UXS1: variants seen among roughly 807,000 people sequenced by gnomAD.
UXS1 encodes UDP-glucuronate decarboxylase 1.
UXS1 carries 33 observed loss-of-function variants against 62.6 expected under a neutral mutation model. The observed-to-expected ratio is 0.53, with a 90% CI of 0.40 to 0.70. The LOEUF is 0.70. Among genes scored for constraint, UXS1 ranks in the 30% least tolerant of loss-of-function variants. The pLI, the probability that UXS1 is intolerant of heterozygous loss-of-function variation, is 0.00. For synonymous variants in UXS1, 213 were observed against 206.8 expected (o/e 1.03, Z -0.26); for missense variants, 434 against 556.3 (o/e 0.78, Z 2.21).
Position 106,158,043 on chromosome 2 carries a change from G to C in UXS1, c.291+15C>G. ...TTCTTAATATTACAAATACTATTCA[G>C]GTGTGCAAACTTACCAAAATTCTTT... On this transcript the variant is annotated intron_variant, in intron 5 of 14. Coordinates refer to ENST00000283148, the MANE Select transcript of UXS1 (RefSeq NM_001253875.2). 2 of 1,549,322 alleles carry C rather than the reference G, an allele frequency of 1.3e-6. No homozygotes were observed. Among genetic ancestry groups the C allele is most frequent in the Non-Finnish European group, 1.8e-6 (2 of 1,142,268 alleles).
rs1337194876 is a variant in UXS1 at position 106,098,660 on chromosome 2, T to A, written c.1042+56A>T. 4 of 1,461,390 alleles carry A rather than the reference T, an allele frequency of 2.7e-6. No homozygotes were observed. The Admixed American group carries it at 7.4e-5, about 27-fold the overall frequency. The allele number at this position is 1,461,390 out of a possible 1,614,324, so 90.5% of individuals were successfully genotyped here. On this transcript the variant is annotated intron_variant, in intron 13 of 14. Transcript: ENST00000283148. ...ACCCACTTTCTAGTCAAGGTGTTAT[T>A]AACAGATAGGGCAGGCACAGTCGAT...
chr2:106,163,052 G>A (rs1026468769), intron 4 of UXS1, among the ~76,000 whole-genome samples: 6 of 152,152 alleles, frequency 3.9e-5, no homozygotes, highest in South Asian at 2.1e-4. Flanking sequence ...CATACAGTAC[G>A]TGCAAGAGGA....
chr2:106,153,298 T>C (rs1291374195), intron 5 of UXS1, among the ~76,000 whole-genome samples: 2 of 152,056 alleles, frequency 1.3e-5, no homozygotes, highest in Admixed American at 6.5e-5. Flanking sequence ...TGTTGAAAAA[T>C]AAAGCAATTA....
At position 106,158,078 on chromosome 2, in the gene UXS1, T is replaced by C. The variant is rs1682588423; in HGVS notation, c.271A>G (p.Lys91Glu). Residue 91 changes from lysine to glutamate, a missense_variant, in exon 5 of 15, where the codon AAG (lysine) becomes GAG (glutamate). Lys to Glu is a moderately conservative substitution (Grantham distance 56). Around this residue, in one of 3 missense-constraint regions of UXS1, gnomAD observed 134 missense variants for 251.9 expected, o/e 0.53. Transcript: ENST00000283148. ...KYPPVKFLSE[K>E]DRKRILITGG... ...CTTACCAAAATTCTTTTCCGATCCT[T>C]TTCTGATAAAAACTTTACTGGTGGG... The C allele has an allele frequency of 1.3e-6, 2 of 1,567,172 alleles. No homozygotes were observed. Among genetic ancestry groups the C allele is most frequent in the Non-Finnish European group, 1.7e-6 (2 of 1,154,704 alleles).
intron 6 of UXS1, among the ~76,000 whole-genome samples, chr2:106,141,161 G>A (rs547875734): frequency 6.6e-6 from 1 of 152,282 alleles, no homozygotes; most frequent in East Asian, 1.9e-4. Flanking sequence ...CCGTGTCTTG[G>A]TAAAGAGATC....
intron 1 of UXS1, among the ~76,000 whole-genome samples, chr2:106,187,098 G>GA (rs988254022): frequency 8.5e-5 from 13 of 152,054 alleles, no homozygotes; most frequent in African/African-American, 2.9e-4. Context: ...GAAAAATGTG[G>GA]AAAAAAATGT....
intron 9 of UXS1, among the ~76,000 whole-genome samples, chr2:106,118,455 G>C (rs1321768919): frequency 6.6e-6 from 1 of 152,100 alleles, no homozygotes; most frequent in Non-Finnish European, 1.5e-5. Context: ...ACTCATGAGG[G>C]GGCGAACTCA....
intron 10 of UXS1, among the ~76,000 whole-genome samples, chr2:106,108,143 T>G (rs1345982084): frequency 1.3e-5 from 2 of 152,370 alleles, no homozygotes; most frequent in East Asian, 3.9e-4. Flanking sequence ...TGGATTTCAG[T>G]TTCTATAGCA....
At chr2:106,191,433 G>A (rs1219790745) in intron 1 of UXS1, among the ~76,000 whole-genome samples, 2 of 152,242 alleles carry the variant, frequency 1.3e-5, no homozygotes, top group Admixed American at 6.5e-5. Context: ...GTGTCCTTCG[G>A]TGTTATCAAT....
Position 106,094,043 on chromosome 2 carries a change from G to A in UXS1, c.1261C>T (p.Arg421Trp), listed in dbSNP as rs750908852. The A allele has an allele frequency of 1.9e-5, 30 of 1,612,180 alleles. No individual in the cohort carries two copies. Among genetic ancestry groups the A allele is most frequent in the South Asian group, 1.7e-4 (15 of 90,772 alleles). ...KPKPARIKKGRTRHS is the reference protein window; with the variant it reads ...KPKPARIKKGWTRHS ...TGAGGAGTTCAGCTGTGGCGAGTCC[G>A]TCCTTTCTTTATTCTGGCAGGCTTT... Residue 421 changes from arginine (R) to tryptophan (W), a missense_variant, in exon 15 of 15, where the codon CGG becomes TGG. Coordinates refer to ENST00000283148, the MANE Select transcript of UXS1 (RefSeq NM_001253875.2).
At chr2:106,155,077 A>C (rs1682331040) in intron 5 of UXS1, among the ~76,000 whole-genome samples, 2 of 152,042 alleles carry the variant, frequency 1.3e-5, no homozygotes, top group Admixed American at 6.6e-5. Context: ...TCTTGTGTGA[A>C]CTCATTACAG....
intron 1 of UXS1, among the ~76,000 whole-genome samples, chr2:106,180,849 C>A (rs1030352555): frequency 2.0e-5 from 3 of 152,230 alleles, no homozygotes; most frequent in Non-Finnish European, 4.4e-5. Flanking sequence ...CTCCTCCCAA[C>A]TTCGCAAATA....
At chr2:106,174,939 C>T (rs1414919218) in intron 1 of UXS1, among the ~76,000 whole-genome samples, 1 of 152,220 alleles carries the variant, frequency 6.6e-6, no homozygotes, top group Non-Finnish European at 1.5e-5. Context: ...GATTCCTTCC[C>T]ATCTGCATGG....
rs752065603 is a variant in UXS1, at chr2:106,093,983, ATCAAGTG to A, written c.*36_*42del. ...CAAAAAAAAGCCAAAAATACATCCC[ATCAAGTG>A]TACAATGGTAGTCTTGTGTCCTAAA... On this transcript the variant is annotated 3_prime_UTR_variant, in exon 15 of 15. Coordinates refer to ENST00000283148, the MANE Select transcript of UXS1 (RefSeq NM_001253875.2). 5 of 1,528,264 alleles carry A rather than the reference ATCAAGTG, an allele frequency of 3.3e-6. No individual in the cohort carries two copies. The East Asian group carries it at 1.2e-4, about 38-fold the overall frequency. 94.7% of individuals were successfully genotyped at this position (1,528,264 alleles called of 1,614,324 possible).
chr2:106,156,336 A>G lies in UXS1; in HGVS notation c.291+1722T>C, dbSNP rs570746458. Among the ~76,000 whole-genome samples, 9 of 152,324 alleles carry G rather than the reference A, an allele frequency of 5.9e-5. 1 individual carries two copies. In the South Asian group the frequency reaches 1.7e-3, roughly 28 times the overall value. The stretch of plus-strand genomic sequence containing the variant: ...AAATGCAAATCCAAACCACAAAAAG[A>G]TATCACTTCACACCCAGTAGAAAGG... On this transcript the variant is annotated intron_variant, in intron 5 of 14. Coordinates refer to ENST00000283148, the MANE Select transcript of UXS1 (RefSeq NM_001253875.2).
chr2:106,143,549 T>C (rs977895259), intron 6 of UXS1, among the ~76,000 whole-genome samples: 1 of 150,566 alleles, frequency 6.6e-6, no homozygotes, highest in Non-Finnish European at 1.5e-5. Flanking sequence ...AAATATCCAT[T>C]CACGATCCGA....
At chr2:106,154,766 C>A (rs958422991) in intron 5 of UXS1, among the ~76,000 whole-genome samples, 1 of 152,152 alleles carries the variant, frequency 6.6e-6, no homozygotes, top group African/African-American at 2.4e-5. Context: ...TGTAAGGGAA[C>A]CCCAGTATGA....
intron 9 of UXS1, 70 bp from the exon 10 acceptor site, chr2:106,112,835 G>C (rs1678730032): frequency 1.3e-6 from 2 of 1,555,210 alleles, no homozygotes; most frequent in East Asian, 4.7e-5. Flanking sequence ...TGCATTTCCA[G>C]TGCCCTGCAT....
chr2:106,158,236 C>T (rs2105040694), intron 4 of UXS1, 118 bp from the exon 5 acceptor site: 1 of 869,874 alleles, frequency 1.1e-6, no homozygotes. Flanking sequence ...CTCTTCTCTC[C>T]ACTCTTGAAT....
Sources: gnomAD v4.1 joint callset for allele counts (sites outside exome capture counted in the v4.1 genomes callset) on GRCh38, gnomAD v4.1.1 for gene constraint, gnomAD v4.1.1 regional missense constraint, MANE v1.5 for transcripts, NCBI Gene and HGNC (gene_info 2026-07-23, HGNC 2026-07-21) for gene names.